Variants in SHLD2 observed in about 807,000 individuals in gnomAD.
The protein encoded by SHLD2 is shieldin complex subunit 2, also known as RINN1-REV7-interacting novel NHEJ regulator 2.
SHLD2 carries 30 observed loss-of-function variants against 73.2 expected under a neutral mutation model. The ratio of observed to expected loss-of-function variants is 0.41; its 90% CI spans 0.31 to 0.56. The LOEUF is 0.56. Ranked by LOEUF, SHLD2 falls within the 20% of genes least tolerant of loss-of-function variation. The probability of loss-of-function intolerance (pLI) is 0.28; values close to 1 mark genes in which losing one functional copy is unlikely to be tolerated. For synonymous variants in SHLD2, 285 were observed against 370.1 expected, an observed-to-expected ratio of 0.77 and a Z score of 2.64; for missense variants, 745 against 1,055.9, an observed-to-expected ratio of 0.71 and a Z score of 4.08.
chr10:87,121,957 G>C (rs1399090029), intron 2 of SHLD2, among the ~76,000 whole-genome samples: 1 of 151,658 alleles, frequency 6.6e-6, no homozygotes, highest in Non-Finnish European at 1.5e-5. Flanking sequence ...TAGAGATGGG[G>C]TTTCGCCATG....
chr10:87,188,731 C>G (rs1434063317), intron 9 of SHLD2, among the ~76,000 whole-genome samples: 1 of 152,208 alleles, frequency 6.6e-6, no homozygotes, highest in Admixed American at 6.5e-5. Context: ...CCTGTTCCAT[C>G]TCCCTGGAGG....
chr10:87,098,553 CCAAA>C (rs2133916019), intron 2 of SHLD2, among the ~76,000 whole-genome samples: 1 of 149,968 alleles, frequency 6.7e-6, no homozygotes, highest in African/African-American at 2.5e-5. Context: ...CCCACAGAAA[CCAAA>C]CAAATTGTTG....
chr10:87,157,397 C>T (rs1225489096), intron 3 of SHLD2, among the ~76,000 whole-genome samples: 1 of 152,122 alleles, frequency 6.6e-6, no homozygotes, highest in Non-Finnish European at 1.5e-5. Context: ...GCTCCCTTCC[C>T]CTCTTTCTCT....
At chr10:87,119,394 G>A (rs1843445874) in intron 2 of SHLD2, among the ~76,000 whole-genome samples, 1 of 152,022 alleles carries the variant, frequency 6.6e-6, no homozygotes, top group South Asian at 2.1e-4. Flanking sequence ...AATGCTTAAT[G>A]GTTTAAATCG....
At position 87,190,675 on chromosome 10, in the gene SHLD2, C is replaced by G. The variant is rs766176197; in HGVS notation, c.2707C>G (p.Arg903Gly). ...CATTGTAAAGCATGGAGCCAATGCC[C>G]GTCTCTGAGGCCAGAGGAAGAAATT... ...PDIVKHGANA[R>G]L The change falls in exon 10 of 10, where the codon CGT becomes GGT. Residue 903 changes from arginine to glycine, a missense_variant. Arg to Gly is a moderately radical substitution (Grantham distance 125). Around this residue, in one of 5 missense-constraint regions of SHLD2, gnomAD observed 418 missense variants for 567.8 expected, o/e 0.74. Coordinates refer to ENST00000298786, the MANE Select transcript of SHLD2 (RefSeq NM_001330112.2). 2.5e-6 allele frequency: 4 copies of G among 1,611,634 alleles called. No homozygotes were observed. The highest frequency in any genetic ancestry group is 3.4e-6 in the Non-Finnish European group (4 of 1,179,668).
chr10:87,097,265 A>G (rs1841958942), intron 2 of SHLD2, among the ~76,000 whole-genome samples: 1 of 152,196 alleles, frequency 6.6e-6, no homozygotes, highest in Admixed American at 6.5e-5. Flanking sequence ...CCTGAATTCA[A>G]GAAGGTGGAA....
intron 2 of SHLD2, among the ~76,000 whole-genome samples, chr10:87,115,777 T>C (rs965694823): frequency 6.6e-6 from 1 of 152,168 alleles, no homozygotes; most frequent in African/African-American, 2.4e-5. Context: ...ATAGGTAATG[T>C]AAACACATTA....
At chr10:87,110,606 CA>C (rs200449399) in intron 2 of SHLD2, among the ~76,000 whole-genome samples, 40,539 of 99,574 alleles carry the variant, frequency 0.41, 5,624 homozygotes, top group East Asian at 0.72. Flanking sequence ...GACTCCATCT[CA>C]AAAAAAAAAA....
intron 2 of SHLD2, among the ~76,000 whole-genome samples, chr10:87,124,883 T>G (rs1448653370): frequency 6.6e-6 from 1 of 151,586 alleles, no homozygotes; most frequent in Non-Finnish European, 1.5e-5. Context: ...TAGCTGAAAC[T>G]ACAGGTGCAT....
rs758440132 is a variant in SHLD2 at position 87,180,177 on chromosome 10, C to G, written c.2273C>G (p.Ser758Cys). The G allele has an allele frequency of 1.2e-6, 2 of 1,613,664 alleles. No homozygotes were observed. The highest frequency in any genetic ancestry group is 1.7e-6 in the Non-Finnish European group (2 of 1,179,676). ...CACAGTTCTCTGAAGAGTATTTTTT[C>G]TTCTCTTCCCAACATCGTATATACT... ...NAHSSLKSIF[S>C]SLPNIVYTGC... The change falls in exon 8 of 10, where the codon TCT becomes TGT. Residue 758 changes from serine to cysteine, a missense_variant. Transcript: ENST00000298786.
intron 4 of SHLD2, among the ~76,000 whole-genome samples, chr10:87,166,070 T>A (rs2134496060): frequency 6.6e-6 from 1 of 152,192 alleles, no homozygotes; most frequent in East Asian, 1.9e-4. Flanking sequence ...TCATCCTAAT[T>A]GGAAAAATAT....
chr10:87,170,704 A>G, intron 5 of SHLD2, 32 bp downstream of exon 5: 7 of 1,582,966 alleles, frequency 4.4e-6, no homozygotes, highest in Non-Finnish European at 6.0e-6. Context: ...TTAATTTTAG[A>G]TTATGAAAAA....
intron 6 of SHLD2, among the ~76,000 whole-genome samples, chr10:87,175,327 A>G (rs1298568178): frequency 6.6e-6 from 1 of 151,924 alleles, no homozygotes; most frequent in Non-Finnish European, 1.5e-5. Flanking sequence ...TACAGAAAGC[A>G]GTTGGTTATT....
intron 2 of SHLD2, among the ~76,000 whole-genome samples, chr10:87,127,110 C>A (rs1344517985): frequency 6.6e-6 from 1 of 151,858 alleles, no homozygotes; most frequent in East Asian, 1.9e-4. Context: ...TTGTTCTACT[C>A]TATGGATTAA....
intron 2 of SHLD2, among the ~76,000 whole-genome samples, chr10:87,129,979 A>G (rs569931001): frequency 6.6e-6 from 1 of 152,082 alleles, no homozygotes; most frequent in Admixed American, 6.6e-5. Flanking sequence ...TTTTATTGAC[A>G]TCAGAAATTC....
intron 2 of SHLD2, among the ~76,000 whole-genome samples, chr10:87,100,809 T>C (rs541802143): frequency 3.3e-4 from 51 of 152,272 alleles, no homozygotes; most frequent in African/African-American, 1.2e-3. Flanking sequence ...AATTTTGAAA[T>C]TGGGAAATGT....
At chr10:87,130,007 T>C (rs1844315062) in intron 2 of SHLD2, among the ~76,000 whole-genome samples, 1 of 152,074 alleles carries the variant, frequency 6.6e-6, no homozygotes, top group African/African-American at 2.4e-5. Context: ...TAAAATTCTT[T>C]TTAAATTTTA....
At chr10:87,100,831 A>AT (rs1371012224) in intron 2 of SHLD2, among the ~76,000 whole-genome samples, 9 of 150,448 alleles carry the variant, frequency 6.0e-5, no homozygotes, top group South Asian at 2.1e-4. Flanking sequence ...AGTCTTCCAA[A>AT]TTTTTTTTTT....
At chr10:87,154,657 A>G (rs982415240) in intron 3 of SHLD2, among the ~76,000 whole-genome samples, 1 of 152,124 alleles carries the variant, frequency 6.6e-6, no homozygotes, top group African/African-American at 2.4e-5. Flanking sequence ...CTAGGATTAC[A>G]AGTGTGAGCC....
Sources: allele counts gnomAD v4.1 joint callset (sites outside exome capture counted in the v4.1 genomes callset), GRCh38; gene constraint gnomAD v4.1.1; regional missense constraint gnomAD v4.1.1; transcripts MANE v1.5; gene names NCBI Gene and HGNC (gene_info 2026-07-23, HGNC 2026-07-21).